The following IPCEF1 variants were observed in gnomAD, a reference collection of about 807,000 sequenced individuals.
IPCEF1 encodes the protein interaction protein for cytohesin exchange factors 1.
IPCEF1 carries 31 observed loss-of-function variants against 50.9 expected under a neutral mutation model. That is an observed-to-expected ratio of 0.61 (90% confidence interval 0.46 to 0.82). IPCEF1 has a LOEUF of 0.82. IPCEF1 is among the 40% of genes least tolerant of loss of function. The pLI is 0.00. For synonymous variants in IPCEF1, 181 were observed against 192.0 expected, an observed-to-expected ratio of 0.94 and a Z score of 0.47; for missense variants, 458 against 514.0, an observed-to-expected ratio of 0.89 and a Z score of 1.05.
rs1006505086 is a variant in IPCEF1 at position 154,290,737 on chromosome 6, AT to A, written c.-61-982del. ...ATTAAACTGAGATCCTCAACATTTAATTTTTTCTAAAGAGGACAGTAAAAAT... is the reference window on the plus strand; with the variant it reads ...ATTAAACTGAGATCCTCAACATTTAATTTTTCTAAAGAGGACAGTAAAAAT... On this transcript the variant is annotated intron_variant, in intron 1 of 11. Coordinates refer to ENST00000367220, the MANE Select transcript of IPCEF1 (RefSeq NM_001130700.2). 3.9e-5 allele frequency among the ~76,000 whole-genome samples: 6 copies of A among 152,040 alleles called. No homozygotes were observed. In the East Asian group the frequency reaches 9.6e-4, roughly 24 times the overall value.
chr6:154,308,897 G>A (rs2128679357), intron 1 of IPCEF1, among the ~76,000 whole-genome samples: 1 of 152,280 alleles, frequency 6.6e-6, no homozygotes, highest in South Asian at 2.1e-4. Context: ...ATGCGATAAG[G>A]TGTGACATCT....
chr6:154,215,043 C>T (rs1291636877), intron 7 of IPCEF1, among the ~76,000 whole-genome samples: 2 of 152,138 alleles, frequency 1.3e-5, no homozygotes, highest in Non-Finnish European at 2.9e-5. Flanking sequence ...ATATAATTTT[C>T]TACTTATTGG....
At chr6:154,247,424 A>G (rs201508956) in intron 4 of IPCEF1, 25 bp downstream of exon 4, 349 of 1,599,916 alleles carry the variant, frequency 2.2e-4, no homozygotes, top group Non-Finnish European at 2.8e-4. Flanking sequence ...AAATGGAGAT[A>G]AAGAAACAAA....
intron 10 of IPCEF1, among the ~76,000 whole-genome samples, chr6:154,179,205 T>C (rs139700999): frequency 3.9e-5 from 6 of 152,322 alleles, no homozygotes; most frequent in African/African-American, 7.2e-5. Context: ...ACACAGCTTG[T>C]ACCTGACCCC....
chr6:154,227,584 A>C (rs1256996697), intron 5 of IPCEF1, among the ~76,000 whole-genome samples: 1 of 152,014 alleles, frequency 6.6e-6, no homozygotes, highest in Non-Finnish European at 1.5e-5. Flanking sequence ...CGAGCATGGC[A>C]GCACACGCCT....
At chr6:154,222,519 G>A (rs1039231452) in intron 6 of IPCEF1, among the ~76,000 whole-genome samples, 1 of 152,226 alleles carries the variant, frequency 6.6e-6, no homozygotes, top group Non-Finnish European at 1.5e-5. Context: ...ATAGCAGACT[G>A]CTATCATGGG....
In IPCEF1 at chr6:154,322,693, T is replaced by C. The variant is rs748452739; in HGVS notation, c.-61-32937A>G. Among the ~76,000 whole-genome samples, 5 of 151,840 alleles carry C rather than the reference T, an allele frequency of 3.3e-5. No individual in the cohort carries two copies. In the East Asian group the frequency reaches 7.7e-4, roughly 23 times the overall value. ...CTCTACTAAAAATACAAAAATTAGCTGGGCATGGTGGTGCATGTCTGTAAT... is the reference window on the plus strand; with the variant it reads ...CTCTACTAAAAATACAAAAATTAGCCGGGCATGGTGGTGCATGTCTGTAAT... On this transcript the variant is annotated intron_variant, in intron 1 of 11. Transcript: ENST00000367220.
chr6:154,290,892 C>CTTTTT (rs1562581565), intron 1 of IPCEF1, among the ~76,000 whole-genome samples: 5 of 92,172 alleles, frequency 5.4e-5, no homozygotes, highest in East Asian at 2.1e-4. Flanking sequence ...GAATATATTG[C>CTTTTT]CTTTTTTTTT....
At chr6:154,266,393 A>T (rs561650716) in intron 2 of IPCEF1, among the ~76,000 whole-genome samples, 24 of 151,978 alleles carry the variant, frequency 1.6e-4, no homozygotes, top group East Asian at 5.8e-4. Context: ...TCTTAAAAAA[A>T]TTTTTTTTAA....
At chr6:154,267,481 A>T (rs1781786075) in intron 2 of IPCEF1, among the ~76,000 whole-genome samples, 1 of 152,208 alleles carries the variant, frequency 6.6e-6, no homozygotes, top group Non-Finnish European at 1.5e-5. Flanking sequence ...TCAAAATGTT[A>T]CAGGATCTTT....
At position 154,159,994 on chromosome 6, in the gene IPCEF1, G is replaced by A. The variant is rs772834946; in HGVS notation, c.1151C>T (p.Pro384Leu). 7 of 1,612,550 alleles carry A rather than the reference G, an allele frequency of 4.3e-6. No homozygotes were observed. Among genetic ancestry groups the A allele is most frequent in the African/African-American group, 2.7e-5 (2 of 74,908 alleles). Residue 384 changes from proline (P) to leucine (L), a missense_variant, in exon 12 of 12, where the codon CCG becomes CTG. Coordinates refer to ENST00000367220, the MANE Select transcript of IPCEF1 (RefSeq NM_001130700.2). ...TCTGTATTTCCTGGCTGTCAGCTTC[G>A]GGTCATCCAGCAACTGGTTAATCAT... ...LAMINQLLDD[P>L]KLTARKYREW... is the part of the protein sequence containing the mutation.
At chr6:154,305,138 G>T (rs1782899116) in intron 1 of IPCEF1, among the ~76,000 whole-genome samples, 1 of 145,566 alleles carries the variant, frequency 6.9e-6, no homozygotes, top group South Asian at 2.2e-4. Flanking sequence ...GAAAAGAAAA[G>T]AAAGAAAGAA....
At chr6:154,327,766 C>A (rs1298746536) in intron 1 of IPCEF1, among the ~76,000 whole-genome samples, 1 of 152,180 alleles carries the variant, frequency 6.6e-6, no homozygotes, top group Non-Finnish European at 1.5e-5. Flanking sequence ...AAGATACATG[C>A]ACACATATGT....
At chr6:154,167,781 C>T in intron 11 of IPCEF1, 139 bp downstream of exon 11, 1 of 609,132 alleles carries the variant, frequency 1.6e-6, no homozygotes, top group Non-Finnish European at 2.8e-6. Context: ...TCATCTTGCC[C>T]TATAAAGGTT....
chr6:154,322,163 A>T (rs1783399295), intron 1 of IPCEF1, among the ~76,000 whole-genome samples: 1 of 152,188 alleles, frequency 6.6e-6, no homozygotes, highest in South Asian at 2.1e-4. Context: ...TTAAAAACTA[A>T]ACAAAAAACA....
Position 154,243,013 on chromosome 6 carries a change from G to A in IPCEF1, c.246+3578C>T, listed in dbSNP as rs530219348. 2.0e-5 allele frequency among the ~76,000 whole-genome samples: 3 copies of A among 152,290 alleles called. No individual in the cohort carries two copies. In the East Asian group the frequency reaches 5.8e-4, roughly 29 times the overall value. On this transcript the variant is annotated intron_variant, in intron 5 of 11. Coordinates refer to ENST00000367220, the MANE Select transcript of IPCEF1 (RefSeq NM_001130700.2). ...AAGCTAAAATTTGACCTATAAGGAGGGATAAGTTTGATGGAATTGGATAGG... is the reference window on the plus strand; with the variant it reads ...AAGCTAAAATTTGACCTATAAGGAGAGATAAGTTTGATGGAATTGGATAGG...
rs1383015054 is a variant in IPCEF1 at position 154,299,969 on chromosome 6, A to G, written c.-61-10213T>C. Among the ~76,000 whole-genome samples the G allele has an allele frequency of 2.1e-5, 3 of 141,252 alleles. 1 individual carries two copies. Among genetic ancestry groups the G allele is most frequent in the South Asian group, 2.2e-4 (1 of 4,516 alleles). 92.7% of individuals were successfully genotyped at this position (141,252 alleles called of 152,430 possible). ...GCAATTCTGTGCCCGAATCATGTAT[A>G]ACATTCATCAGTTGGCATATTACTT... is the stretch of plus-strand genomic sequence containing the variant. On this transcript the variant is annotated intron_variant, in intron 1 of 11. Coordinates refer to ENST00000367220, the MANE Select transcript of IPCEF1 (RefSeq NM_001130700.2).
At chr6:154,292,622 C>G (rs116525888) in intron 1 of IPCEF1, among the ~76,000 whole-genome samples, 2 of 152,064 alleles carry the variant, frequency 1.3e-5, no homozygotes, top group South Asian at 4.1e-4. Context: ...ATCCCTTTTT[C>G]TCTTTTGTAA....
chr6:154,341,129 C>T (rs552047010), intron 1 of IPCEF1, among the ~76,000 whole-genome samples: 13 of 152,020 alleles, frequency 8.6e-5, no homozygotes, highest in Non-Finnish European at 1.8e-4. Context: ...ATCAGCCTTT[C>T]CAAAGGAGGC....
Sources: allele counts gnomAD v4.1 joint callset (sites outside exome capture counted in the v4.1 genomes callset), GRCh38; gene constraint gnomAD v4.1.1; transcripts MANE v1.5; gene names NCBI Gene and HGNC (gene_info 2026-07-23, HGNC 2026-07-21).